TRIB2: variants seen among roughly 807,000 people sequenced by gnomAD.
The protein encoded by TRIB2 is tribbles pseudokinase 2.
Under a neutral mutation model 26.8 loss-of-function variants are expected in TRIB2, and 2 were observed. The ratio of observed to expected loss-of-function variants is 0.07; its 90% CI spans 0.03 to 0.24. The LOEUF (loss-of-function observed/expected upper bound fraction) is 0.24. Among genes scored for constraint, TRIB2 ranks in the 10% least tolerant of loss-of-function variants. The pLI is 1.00. For synonymous variants in TRIB2, 189 were observed against 187.3 expected (o/e 1.01, Z -0.08); for missense variants, 306 against 449.0 (o/e 0.68, Z 2.88).
intron 2 of TRIB2, among the ~76,000 whole-genome samples, chr2:12,727,795 C>T (rs540891557): frequency 6.6e-6 from 1 of 152,278 alleles, no homozygotes; most frequent in African/African-American, 2.4e-5. Context: ...CTGGCCACAC[C>T]CTGTGCATCC....
At position 12,741,447 on chromosome 2, in the gene TRIB2, A is replaced by G. The variant is rs532587355; in HGVS notation, c.*653A>G. ...TAATGCTTTGCTCCCTGAAGGGGGA[A>G]AAAATCTGTCCTTTAACAAGCTATT... On this transcript the variant is annotated 3_prime_UTR_variant, in exon 3 of 3. Transcript: ENST00000155926. The G allele has an allele frequency of 5.2e-5, 8 of 152,698 alleles. No individual in the cohort carries two copies. The East Asian group carries it at 1.5e-3, about 29-fold the overall frequency. 9.5% of individuals were successfully genotyped at this position (152,698 alleles called of 1,614,324 possible).
intron 2 of TRIB2, chr2:12,724,819 C>T: frequency 6.2e-7 from 1 of 1,611,730 alleles, no homozygotes. Context: ...GTATGTGCTT[C>T]TTTGAATATT....
In TRIB2 at chr2:12,723,351, T is replaced by A. The variant is rs537841523; in HGVS notation, c.362T>A (p.Leu121Gln). ...ATCAACCAAATCACTGAAATTATCC[T>A]GGGTGAGACCAAAGCCTATGTGTTC... ...SNINQITEII[L>Q]GETKAYVFFE... Residue 121 changes from leucine (L) to glutamine (Q), a missense_variant, in exon 2 of 3, where the codon CTG becomes CAG. Transcript: ENST00000155926. 6.2e-7 allele frequency: 1 copy of A among 1,614,260 alleles called. No individual in the cohort carries two copies. The highest frequency in any genetic ancestry group is 8.5e-7 in the Non-Finnish European group (1 of 1,180,046).
intron 2 of TRIB2, among the ~76,000 whole-genome samples, chr2:12,739,815 A>G (rs1389671270): frequency 6.6e-6 from 1 of 152,224 alleles, no homozygotes; most frequent in Non-Finnish European, 1.5e-5. Context: ...GTCTAATACA[A>G]AGGGCTGTAG....
chr2:12,725,854 C>T (rs985037863), intron 2 of TRIB2, among the ~76,000 whole-genome samples: 3 of 152,222 alleles, frequency 2.0e-5, no homozygotes, highest in Non-Finnish European at 4.4e-5. Context: ...GTGATAGCCC[C>T]TTTGGCCATG....
At chr2:12,735,411 G>A (rs556908874) in intron 2 of TRIB2, among the ~76,000 whole-genome samples, 4 of 152,176 alleles carry the variant, frequency 2.6e-5, no homozygotes, top group African/African-American at 9.6e-5. Flanking sequence ...GCACCTTGAT[G>A]GAGCCTAGTG....
At chr2:12,735,471 G>C (rs1661548886) in intron 2 of TRIB2, among the ~76,000 whole-genome samples, 1 of 151,976 alleles carries the variant, frequency 6.6e-6, no homozygotes, top group South Asian at 2.1e-4. Flanking sequence ...TGAGTAGGTG[G>C]GGTCAGGCCT....
chr2:12,740,833 A>G lies in TRIB2; in HGVS notation c.*39A>G, dbSNP rs746603696. 5 of 1,563,474 alleles carry G rather than the reference A, an allele frequency of 3.2e-6. No homozygotes were observed. The African/African-American group carries it at 5.4e-5, about 17-fold the overall frequency. ...GGAGACTTAGCAGGTTCCAGGAGTGAGCGAGGGCAGCGGAAAGGAGTTCTT... is the reference window on the plus strand; with the variant it reads ...GGAGACTTAGCAGGTTCCAGGAGTGGGCGAGGGCAGCGGAAAGGAGTTCTT... On this transcript the variant is annotated 3_prime_UTR_variant, in exon 3 of 3. Coordinates refer to ENST00000155926, the MANE Select transcript of TRIB2 (RefSeq NM_021643.4). This position sits in a 1 kb window ranked among gnomAD's most constrained non-coding sequence, Gnocchi z 5.8.
chr2:12,739,884 T>C (rs1413129730), intron 2 of TRIB2, among the ~76,000 whole-genome samples: 1 of 152,210 alleles, frequency 6.6e-6, no homozygotes, highest in African/African-American at 2.4e-5. Flanking sequence ...GTCATGTTAG[T>C]TACACGTCTG....
At position 12,731,079 on chromosome 2, in the gene TRIB2, A is replaced by G. The variant is rs552392331; in HGVS notation, c.563+7527A>G. On this transcript the variant is annotated intron_variant, in intron 2 of 2. Transcript: ENST00000155926. The stretch of plus-strand genomic sequence containing the variant: ...GATGGTACAGGAATCAGTACAAGAG[A>G]GTCCTTGCCTAATGGATGTAATCAT... Among the ~76,000 whole-genome samples, 4 of 152,324 alleles carry G rather than the reference A, an allele frequency of 2.6e-5. No homozygotes were observed. The South Asian group carries it at 8.3e-4, about 32-fold the overall frequency.
At chr2:12,726,019 C>T (rs906464783) in intron 2 of TRIB2, among the ~76,000 whole-genome samples, 2 of 152,210 alleles carry the variant, frequency 1.3e-5, no homozygotes, top group Non-Finnish European at 2.9e-5. Context: ...AGGGTGCAGC[C>T]AGCCTGGAAA....
chr2:12,736,272 A>C (rs1455187240), intron 2 of TRIB2, among the ~76,000 whole-genome samples: 2 of 152,094 alleles, frequency 1.3e-5, no homozygotes, highest in Non-Finnish European at 2.9e-5. Flanking sequence ...AAGGCCTCAG[A>C]AGGACTGGGG....
chr2:12,738,355 T>C (rs1441807365), intron 2 of TRIB2, among the ~76,000 whole-genome samples: 1 of 152,174 alleles, frequency 6.6e-6, no homozygotes, highest in Non-Finnish European at 1.5e-5. Context: ...TTTTTTGCAC[T>C]TCGGGGCAAA....
At chr2:12,734,028 G>T (rs1054295997) in intron 2 of TRIB2, among the ~76,000 whole-genome samples, 1 of 151,998 alleles carries the variant, frequency 6.6e-6, no homozygotes, top group Non-Finnish European at 1.5e-5. Context: ...GGCCGTCATT[G>T]AGTACACAGG....
Position 12,718,290 on chromosome 2 carries a change from T to G in TRIB2, c.-18T>G. ...CCAGCGGGTTTTTTTTTGTTTGTCG[T>G]GTGCGATCCTCACACTCATGAACAT... is the stretch of plus-strand genomic sequence containing the variant. On this transcript the variant is annotated 5_prime_UTR_variant, in exon 1 of 3. Transcript: ENST00000155926. The surrounding 1 kb of genome is among the most constrained non-coding windows in gnomAD (Gnocchi z 4.0). 1 of 1,600,090 alleles carries G rather than the reference T, an allele frequency of 6.2e-7. No individual in the cohort carries two copies.
Position 12,740,799 on chromosome 2 carries a change from A to G in TRIB2, c.*5A>G. On this transcript the variant is annotated 3_prime_UTR_variant, in exon 3 of 3. Transcript: ENST00000155926. The surrounding 1 kb of genome is among the most constrained non-coding windows in gnomAD (Gnocchi z 5.8). Reference sequence around the variant, plus strand: ...TTGGACCCTTTCTTTAACTGAGCTCATGCCCCACGGAGACTTAGCAGGTTC... The same window carrying G: ...TTGGACCCTTTCTTTAACTGAGCTCGTGCCCCACGGAGACTTAGCAGGTTC... The G allele has an allele frequency of 6.2e-7, 1 of 1,607,672 alleles. No homozygotes were observed. The highest frequency in any genetic ancestry group is 8.5e-7 in the Non-Finnish European group (1 of 1,174,906).
chr2:12,723,048 T>C, intron 1 of TRIB2, among the ~76,000 whole-genome samples: 1 of 152,158 alleles, frequency 6.6e-6, no homozygotes, highest in East Asian at 1.9e-4. Context: ...CAGTTTCCCA[T>C]GTTGTACGTA....
In TRIB2 at chr2:12,742,320, A is replaced by G. The variant is rs898624922; in HGVS notation, c.*1526A>G. The G allele has an allele frequency of 6.6e-6, 1 of 152,646 alleles. No individual in the cohort carries two copies. The highest frequency in any genetic ancestry group is 1.5e-5 in the Non-Finnish European group (1 of 68,036). 9.5% of individuals were successfully genotyped at this position (152,646 alleles called of 1,614,324 possible). ...TTTGGGTAGGTGACACGTGGACTCTAGTATGTAAATGTTACTTGAATCTGT... is the reference window on the plus strand; with the variant it reads ...TTTGGGTAGGTGACACGTGGACTCTGGTATGTAAATGTTACTTGAATCTGT... On this transcript the variant is annotated 3_prime_UTR_variant, in exon 3 of 3. Coordinates refer to ENST00000155926, the MANE Select transcript of TRIB2 (RefSeq NM_021643.4).
intron 2 of TRIB2, among the ~76,000 whole-genome samples, chr2:12,739,319 G>A (rs1447147821): frequency 6.6e-6 from 1 of 152,192 alleles, no homozygotes; most frequent in African/African-American, 2.4e-5. Context: ...GAATGCAGTA[G>A]TGCGATCTCA....
Sources: allele counts gnomAD v4.1 joint callset (sites outside exome capture counted in the v4.1 genomes callset), GRCh38; gene constraint gnomAD v4.1.1; non-coding constraint Gnocchi (gnomAD v3.1); transcripts MANE v1.5; gene names NCBI Gene and HGNC (gene_info 2026-07-23, HGNC 2026-07-21).